The following NFILZ variants were observed in gnomAD, a reference collection of about 807,000 sequenced individuals.
NFILZ encodes the protein NFIL3 like protein.
rs528560002 is a variant in NFILZ at position 8,676,446 on chromosome 19, C to G, written c.-26C>G. Among the ~76,000 whole-genome samples, 1 of 152,212 alleles carries G rather than the reference C, an allele frequency of 6.6e-6. No individual in the cohort carries two copies. The highest frequency in any genetic ancestry group is 6.5e-5 in the Admixed American group (1 of 15,278). ...ACTGAGCCCTGGGCTTGTCTGCTGA[C>G]CTTCTCAACAGTAAGGAGAACACCC... On this transcript the variant is annotated 5_prime_UTR_variant, in exon 5 of 6. Transcript: ENST00000691075.
rs1475291882 is a variant in NFILZ, at chr19:8,679,579, G to A, written c.*1944G>A. Among the ~76,000 whole-genome samples, 2 of 152,140 alleles carry A rather than the reference G, an allele frequency of 1.3e-5. No homozygotes were observed. The highest frequency in any genetic ancestry group is 2.4e-5 in the African/African-American group (1 of 41,426). On this transcript the variant is annotated 3_prime_UTR_variant, in exon 6 of 6. Coordinates refer to ENST00000691075, the MANE Select transcript of NFILZ (RefSeq NM_001378600.1). ...CTCTCACTAGTACAACAGGTGGGCA[G>A]TATCACCAAACAGGCCAAGAGCTCC...
At chr19:8,663,772 A>ATGTGTGTGTGTGTGTGTG (rs1555749471) in intron 3 of NFILZ, among the ~76,000 whole-genome samples, 1 of 77,026 alleles carries the variant, frequency 1.3e-5, no homozygotes. Context: ...GTGTGTGTGT[A>ATGTGTGTGTGTGTGTGTG]TGTATGTGTG....
chr19:8,633,988 G>T (rs1600137107), intron 2 of NFILZ, among the ~76,000 whole-genome samples: 1 of 124,322 alleles, frequency 8.0e-6, no homozygotes, highest in Admixed American at 1.0e-4. Flanking sequence ...TTGCTTTCTT[G>T]CTTGCTTTCT....
chr19:8,662,491 T>C (rs1555749234), intron 3 of NFILZ, among the ~76,000 whole-genome samples: 5 of 151,842 alleles, frequency 3.3e-5, no homozygotes, highest in Non-Finnish European at 2.9e-5. Flanking sequence ...CATTGGGGTG[T>C]TGGAGGAACA....
At chr19:8,644,633 G>T (rs1054161602) in intron 3 of NFILZ, among the ~76,000 whole-genome samples, 45 of 151,298 alleles carry the variant, frequency 3.0e-4, no homozygotes, top group Non-Finnish European at 1.5e-4. Context: ...GCTATTAAAA[G>T]AATTTTTTTT....
chr19:8,631,357 G>A (rs2042868555), intron 1 of NFILZ, among the ~76,000 whole-genome samples: 2 of 152,162 alleles, frequency 1.3e-5, no homozygotes, highest in African/African-American at 2.4e-5. Context: ...GGAGCTCACA[G>A]GGAGGCTGGA....
At chr19:8,670,401 C>T (rs2043081204) in intron 3 of NFILZ, among the ~76,000 whole-genome samples, 1 of 152,016 alleles carries the variant, frequency 6.6e-6, no homozygotes, top group South Asian at 2.1e-4. Flanking sequence ...TGCACCTGGC[C>T]CCATATTTTT....
chr19:8,644,623 G>A (rs2042931336), intron 3 of NFILZ, among the ~76,000 whole-genome samples: 1 of 151,652 alleles, frequency 6.6e-6, no homozygotes, highest in Non-Finnish European at 1.5e-5. Flanking sequence ...ACCATGCCTG[G>A]CTATTAAAAG....
At chr19:8,647,017 T>C (rs1240935848) in intron 3 of NFILZ, among the ~76,000 whole-genome samples, 1 of 152,118 alleles carries the variant, frequency 6.6e-6, no homozygotes, top group Non-Finnish European at 1.5e-5. Flanking sequence ...AGTTTCCTCA[T>C]CTGTAAAATA....
At position 8,677,222 on chromosome 19, in the gene NFILZ, C is replaced by T. The variant is rs1351306736; in HGVS notation, c.457C>T (p.Arg153Trp). Among the ~76,000 whole-genome samples, 3 of 152,238 alleles carry T rather than the reference C, an allele frequency of 2.0e-5. No individual in the cohort carries two copies. Among genetic ancestry groups the T allele is most frequent in the South Asian group, 2.1e-4 (1 of 4,830 alleles). ...CCTGGATGCTGGGATTCCAGGATGT[C>T]GGGGCTGCCTGCTGGCTCCCAGATG... ...RSLDAGIPGC[R>W]GCLLAPRWTG... The change falls in exon 6 of 6, where the codon CGG becomes TGG. Residue 153 changes from arginine to tryptophan, a missense_variant. Physicochemically the swap from Arg to Trp is moderately radical, Grantham distance 101. Coordinates refer to ENST00000691075, the MANE Select transcript of NFILZ (RefSeq NM_001378600.1).
chr19:8,654,673 AG>A (rs2042984460), intron 3 of NFILZ, among the ~76,000 whole-genome samples: 1 of 152,190 alleles, frequency 6.6e-6, no homozygotes, highest in Non-Finnish European at 1.5e-5. Flanking sequence ...AAAAAGAAAA[AG>A]AAATAAATAT....
intron 3 of NFILZ, among the ~76,000 whole-genome samples, chr19:8,647,579 C>G (rs916478634): frequency 6.8e-5 from 10 of 147,494 alleles, no homozygotes; most frequent in Non-Finnish European, 1.3e-4. Context: ...TCCCCGCACC[C>G]CCCCCCCCAA....
chr19:8,670,948 T>C lies in NFILZ; in HGVS notation c.-163-3603T>C, dbSNP rs1337443854. Among the ~76,000 whole-genome samples the C allele has an allele frequency of 6.0e-5, 9 of 149,724 alleles. 1 individual carries two copies. Among genetic ancestry groups the C allele is most frequent in the African/African-American group, 2.2e-4 (9 of 40,530 alleles). On this transcript the variant is annotated intron_variant, in intron 3 of 5. Coordinates refer to ENST00000691075, the MANE Select transcript of NFILZ (RefSeq NM_001378600.1). ...AGGCGGAGGTTGCAGTGAGCTGAGA[T>C]TGCACCACTGCACTCCAGCCTGGGT...
chr19:8,648,268 T>C (rs1243412415), intron 3 of NFILZ, among the ~76,000 whole-genome samples: 1 of 151,270 alleles, frequency 6.6e-6, no homozygotes, highest in Non-Finnish European at 1.5e-5. Flanking sequence ...ATGACACACG[T>C]TTACCTATGT....
In NFILZ at chr19:8,680,257, A is replaced by G. The variant is rs766656402; in HGVS notation, c.*2622A>G. 2.0e-5 allele frequency among the ~76,000 whole-genome samples: 3 copies of G among 151,498 alleles called. No individual in the cohort carries two copies. Among genetic ancestry groups the G allele is most frequent in the Non-Finnish European group, 2.9e-5 (2 of 67,862 alleles). The stretch of plus-strand genomic sequence containing the variant: ...TGTTTCCCTTTTTGCTTTGCCCACC[A>G]AGGAGCTCAGGGCCGAGCTTGTGGC... On this transcript the variant is annotated 3_prime_UTR_variant, in exon 6 of 6. Transcript: ENST00000691075.
chr19:8,653,413 T>A (rs1482989765), intron 3 of NFILZ, among the ~76,000 whole-genome samples: 2 of 152,086 alleles, frequency 1.3e-5, no homozygotes, highest in Admixed American at 6.6e-5. Context: ...TTTTATTTCA[T>A]GATTATTGCT....
At chr19:8,654,709 G>T (rs1411130897) in intron 3 of NFILZ, among the ~76,000 whole-genome samples, 1 of 151,942 alleles carries the variant, frequency 6.6e-6, no homozygotes, top group Admixed American at 6.6e-5. Flanking sequence ...AATGAAGGAG[G>T]GTGCAGTTCC....
intron 2 of NFILZ, among the ~76,000 whole-genome samples, chr19:8,633,771 G>A (rs1555745786): frequency 6.6e-6 from 1 of 152,186 alleles, no homozygotes; most frequent in Non-Finnish European, 1.5e-5. Context: ...GTCCTGGGGA[G>A]GGAGAGACAG....
chr19:8,667,418 T>A lies in NFILZ; in HGVS notation c.-163-7133T>A, dbSNP rs367705698. ...ATTTTCTGGGAACTACAGTCATCCC[T>A]TGATATCTGGGGGGGATTGGTTCTG... On this transcript the variant is annotated intron_variant, in intron 3 of 5. Transcript: ENST00000691075. Among the ~76,000 whole-genome samples, 4 of 152,338 alleles carry A rather than the reference T, an allele frequency of 2.6e-5. No individual in the cohort carries two copies. The East Asian group carries it at 7.7e-4, about 29-fold the overall frequency.
Sources: allele counts gnomAD v4.1 joint callset (sites outside exome capture counted in the v4.1 genomes callset), GRCh38; gene constraint gnomAD v4.1.1; transcripts MANE v1.5; gene names NCBI Gene and HGNC (gene_info 2026-07-23, HGNC 2026-07-21).